The following PDXDC1 variants were observed in gnomAD, a reference collection of about 807,000 sequenced individuals.
PDXDC1 encodes the protein pyridoxal dependent decarboxylase domain containing 1, also known as pyridoxal-dependent decarboxylase domain-containing protein 1.
A neutral mutation model predicts 100.1 loss-of-function variants in PDXDC1; 42 were observed. The observed-to-expected ratio is 0.42, with a 90% CI of 0.33 to 0.54. The LOEUF (loss-of-function observed/expected upper bound fraction) is 0.54, where lower values mean the gene tolerates loss of function less well. PDXDC1 is among the 20% of genes least tolerant of loss of function. The pLI, the probability that PDXDC1 is intolerant of heterozygous loss-of-function variation, is 0.10. For missense variants in PDXDC1, 636 were observed against 979.2 expected, an observed-to-expected ratio of 0.65 and a Z score of 4.68; for synonymous variants, 260 against 371.7, an observed-to-expected ratio of 0.70 and a Z score of 3.46.
intron 16 of PDXDC1, among the ~76,000 whole-genome samples, chr16:15,099,419 CAAAAAA>C (rs768689960): frequency 2.4e-5 from 1 of 40,956 alleles, no homozygotes; most frequent in Non-Finnish European, 4.7e-5. Context: ...GACTTGGTCT[CAAAAAA>C]AAAAAAAAAA....
intron 16 of PDXDC1, among the ~76,000 whole-genome samples, chr16:15,053,250 C>T (rs1467322359): frequency 6.6e-6 from 1 of 152,228 alleles, no homozygotes; most frequent in East Asian, 1.9e-4. Flanking sequence ...GGATGTGGGG[C>T]CTGGGGCCAG....
intron 16 of PDXDC1, chr16:15,133,570 C>T (rs1372130120): frequency 2.0e-5 from 21 of 1,047,286 alleles, no homozygotes; most frequent in Middle Eastern, 5.9e-4. Context: ...GCCTGAAACC[C>T]GGGGGCAGCA....
At chr16:15,092,721 T>C in intron 16 of PDXDC1, 1 of 717,146 alleles carries the variant, frequency 1.4e-6, no homozygotes, top group Non-Finnish European at 2.4e-6. Flanking sequence ...TGTTAAGGCC[T>C]CTTTACTGGT....
chr16:15,005,426 A>T (rs1477112686), intron 5 of PDXDC1, among the ~76,000 whole-genome samples: 1 of 152,286 alleles, frequency 6.6e-6, no homozygotes. Context: ...TGAAGGATTC[A>T]GTAGGAGACA....
At chr16:14,994,180 T>C (rs574522201) in intron 1 of PDXDC1, among the ~76,000 whole-genome samples, 2 of 152,414 alleles carry the variant, frequency 1.3e-5, no homozygotes, top group East Asian at 3.9e-4. Context: ...TTTGTTGCCA[T>C]TGCTTTTGGT....
intron 16 of PDXDC1, among the ~76,000 whole-genome samples, chr16:15,102,328 G>A (rs1461867159): frequency 6.6e-6 from 1 of 152,248 alleles, no homozygotes; most frequent in South Asian, 2.1e-4. Context: ...GCCCTGAAGG[G>A]AGGAAATCCA....
chr16:15,072,060 G>C (rs2045255531), intron 16 of PDXDC1, among the ~76,000 whole-genome samples: 1 of 152,112 alleles, frequency 6.6e-6, no homozygotes, highest in South Asian at 2.1e-4. Context: ...GAAAAAAACA[G>C]ACACAGCTTC....
At position 15,004,246 on chromosome 16, in the gene PDXDC1, A is replaced by T. The variant is rs1200417673; in HGVS notation, c.302A>T (p.Tyr101Phe). 6.2e-7 allele frequency: 1 copy of T among 1,614,072 alleles called. No individual in the cohort carries two copies. Among genetic ancestry groups the T allele is most frequent in the East Asian group, 2.2e-5 (1 of 44,870 alleles). The change falls in exon 5 of 23, where the codon TAT (tyrosine) becomes TTT (phenylalanine). Residue 101 changes from tyrosine (Y) to phenylalanine (F), a missense_variant. Coordinates refer to ENST00000396410, the MANE Select transcript of PDXDC1 (RefSeq NM_015027.4). ...MALLGHSLGAYISTLDKEKLR... is the reference protein window; with the variant it reads ...MALLGHSLGAFISTLDKEKLR... ...TTGTTGGGACATAGTCTGGGAGCTT[A>T]TATTTCAACTCTGGACAAAGAGAAG...
rs2042312427 is a variant in PDXDC1 at position 15,022,880 on chromosome 16, A to G, written c.1140+126A>G. Reference sequence around the variant, plus strand: ...AGTGGAATTGTGGCAGCTCCAGTAAAAAAACAAAACAAAAAAACGAAACAA... The same window carrying G: ...AGTGGAATTGTGGCAGCTCCAGTAAGAAAACAAAACAAAAAAACGAAACAA... On this transcript the variant is annotated intron_variant, in intron 13 of 22. Transcript: ENST00000396410. 3 of 818,076 alleles carry G rather than the reference A, an allele frequency of 3.7e-6. No individual in the cohort carries two copies. In the East Asian group the frequency reaches 9.0e-5, roughly 25 times the overall value. The allele number at this position is 818,076 out of a possible 1,614,324, so 50.7% of individuals were successfully genotyped here. A position where few individuals can be genotyped will look rare whatever the true frequency, so the allele number is the denominator to read the frequency against.
At chr16:15,027,056 C>T (rs1467770439) in intron 14 of PDXDC1, among the ~76,000 whole-genome samples, 36 of 152,274 alleles carry the variant, frequency 2.4e-4, no homozygotes, top group African/African-American at 8.4e-4. Flanking sequence ...ACCCAAGTGC[C>T]ACCAGTCTAG....
chr16:15,014,869 C>G (rs1293249592), intron 8 of PDXDC1, among the ~76,000 whole-genome samples: 3 of 152,290 alleles, frequency 2.0e-5, no homozygotes, highest in African/African-American at 7.2e-5. Context: ...TATGCTTAAG[C>G]TGGCTTCAGA....
intron 16 of PDXDC1, chr16:15,093,905 G>A (rs1044424923): frequency 5.6e-6 from 3 of 535,210 alleles, no homozygotes; most frequent in Non-Finnish European, 6.5e-6. Context: ...AAATCACGAA[G>A]AGACACAGTC....
At chr16:15,140,462 A>AG (rs1361469330), downstream of PDXDC1, among the ~76,000 whole-genome samples, 3 of 151,526 alleles carry the variant, frequency 2.0e-5, no homozygotes, top group African/African-American at 2.4e-5. Context: ...AAAAAAAAAA[A>AG]AAAAAGAAAA....
chr16:15,047,911 G>A (rs2044140609), intron 16 of PDXDC1: 5 of 1,613,296 alleles, frequency 3.1e-6, no homozygotes, highest in Non-Finnish European at 3.4e-6. Context: ...ACCCAGAATG[G>A]AGATGGAGCC....
chr16:14,988,850 G>A, intron 1 of PDXDC1: 9 of 1,613,950 alleles, frequency 5.6e-6, no homozygotes, highest in Non-Finnish European at 7.6e-6. Flanking sequence ...GCCCCTTGCA[G>A]CCACTCTTCT....
intron 1 of PDXDC1, among the ~76,000 whole-genome samples, chr16:14,976,125 T>C (rs1428828799): frequency 3.3e-5 from 5 of 152,282 alleles, no homozygotes; most frequent in Non-Finnish European, 7.3e-5. Flanking sequence ...GGAAACCAGT[T>C]TGGGTTTCTT....
At chr16:15,038,740 A>C, downstream of PDXDC1, 1 of 973,944 alleles carries the variant, frequency 1.0e-6, no homozygotes, top group Non-Finnish European at 1.6e-6. Flanking sequence ...CCACTTTTCA[A>C]ACCCTCCCAG....
At chr16:15,104,816 C>T (rs1024553892) in intron 16 of PDXDC1, 27 of 1,528,288 alleles carry the variant, frequency 1.8e-5, no homozygotes, top group South Asian at 1.2e-4. Context: ...ACAAAATTAC[C>T]GCCACCAACA....
chr16:15,133,275 C>A, intron 16 of PDXDC1: 2 of 1,581,158 alleles, frequency 1.3e-6, no homozygotes, highest in East Asian at 2.2e-5. Context: ...TCGTTCAGGA[C>A]GGTGACCAGG....
Sources: gnomAD v4.1 joint callset for allele counts (sites outside exome capture counted in the v4.1 genomes callset) on GRCh38, gnomAD v4.1.1 for gene constraint, MANE v1.5 for transcripts, NCBI Gene and HGNC (gene_info 2026-07-23, HGNC 2026-07-21) for gene names.